PARP11: variants seen among roughly 807,000 people sequenced by gnomAD.
The protein encoded by PARP11 is poly(ADP-ribose) polymerase family member 11.
Under a neutral mutation model 42.9 loss-of-function variants are expected in PARP11, and 31 were observed. The observed-to-expected ratio is 0.72, with a 90% CI of 0.54 to 0.98. PARP11 has a LOEUF of 0.98. Ranked by LOEUF, PARP11 falls within the 50% of genes least tolerant of loss-of-function variation. The probability of loss-of-function intolerance (pLI) is 0.00; values close to 1 mark genes in which losing one functional copy is unlikely to be tolerated. For missense variants in PARP11, 365 were observed against 413.1 expected, an observed-to-expected ratio of 0.88 and a Z score of 1.01; for synonymous variants, 137 against 127.3, an observed-to-expected ratio of 1.08 and a Z score of -0.51.
intron 1 of PARP11, among the ~76,000 whole-genome samples, chr12:3,866,729 G>A (rs1948398859): frequency 6.6e-6 from 1 of 152,108 alleles, no homozygotes; most frequent in Admixed American, 6.5e-5. Flanking sequence ...GAGAAAAGAC[G>A]CATTCCTCAG....
At chr12:3,862,140 T>C (rs1948303351) in intron 1 of PARP11, among the ~76,000 whole-genome samples, 1 of 151,936 alleles carries the variant, frequency 6.6e-6, no homozygotes. Flanking sequence ...GAAAAAGATT[T>C]TTCTCAGCCA....
At chr12:3,844,369 A>G (rs1365527336) in intron 1 of PARP11, among the ~76,000 whole-genome samples, 3 of 152,360 alleles carry the variant, frequency 2.0e-5, no homozygotes, top group African/African-American at 7.2e-5. Flanking sequence ...TTTCTTTCTT[A>G]ACACTGGTGG....
At chr12:3,813,987 A>G in intron 7 of PARP11, 50 bp downstream of exon 7, 1 of 1,399,868 alleles carries the variant, frequency 7.1e-7, no homozygotes, top group African/African-American at 1.4e-5. Context: ...CTCTAAAAAG[A>G]GGAAACTCTC....
chr12:3,815,011 G>C (rs746688821), intron 6 of PARP11: 2 of 456,318 alleles, frequency 4.4e-6, no homozygotes, highest in Non-Finnish European at 8.8e-6. Flanking sequence ...CAGGAGGAAA[G>C]AAGGAGAGTA....
intron 6 of PARP11, among the ~76,000 whole-genome samples, chr12:3,819,841 G>C (rs1947358725): frequency 6.6e-6 from 1 of 152,162 alleles, no homozygotes; most frequent in African/African-American, 2.4e-5. Context: ...TGCATGCTCT[G>C]CCTCTTGATA....
At chr12:3,836,745 A>G (rs1190610819) in intron 1 of PARP11, among the ~76,000 whole-genome samples, 1 of 152,222 alleles carries the variant, frequency 6.6e-6, no homozygotes, top group South Asian at 2.1e-4. Context: ...GAATGCAAAT[A>G]TTATGTAGGG....
chr12:3,815,567 G>C (rs961300965), intron 6 of PARP11, among the ~76,000 whole-genome samples: 39 of 152,104 alleles, frequency 2.6e-4, no homozygotes, highest in African/African-American at 8.9e-4. Flanking sequence ...AGAATCTGCT[G>C]GATACTTTCT....
At chr12:3,822,196 G>A (rs1947409730) in intron 4 of PARP11, 39 bp from the exon 5 acceptor site, 2 of 1,477,426 alleles carry the variant, frequency 1.4e-6, no homozygotes, top group African/African-American at 1.4e-5. Flanking sequence ...ATCAGAAGCC[G>A]ATTACAATTA....
At chr12:3,819,028 A>C (rs1266281705) in intron 6 of PARP11, among the ~76,000 whole-genome samples, 1 of 152,062 alleles carries the variant, frequency 6.6e-6, no homozygotes, top group Non-Finnish European at 1.5e-5. Flanking sequence ...CTTTGTCTCT[A>C]GTCTACACCA....
At chr12:3,836,785 GAA>G (rs1211197630) in intron 1 of PARP11, among the ~76,000 whole-genome samples, 1 of 152,172 alleles carries the variant, frequency 6.6e-6, no homozygotes, top group African/African-American at 2.4e-5. Flanking sequence ...ACAGAGGAAT[GAA>G]AAAACTCTGA....
intron 1 of PARP11, among the ~76,000 whole-genome samples, chr12:3,855,141 T>C (rs1488807194): frequency 2.0e-5 from 3 of 152,078 alleles, no homozygotes; most frequent in Admixed American, 6.5e-5. Flanking sequence ...CTCAAAATAA[T>C]AAGAGCTATT....
At chr12:3,814,805 T>C (rs1947253224) in intron 6 of PARP11, among the ~76,000 whole-genome samples, 1 of 152,190 alleles carries the variant, frequency 6.6e-6, no homozygotes, top group South Asian at 2.1e-4. Flanking sequence ...TAGTCATGTA[T>C]TTACATATAA....
At chr12:3,870,356 G>A (rs1435723004) in intron 1 of PARP11, among the ~76,000 whole-genome samples, 1 of 152,184 alleles carries the variant, frequency 6.6e-6, no homozygotes, top group Non-Finnish European at 1.5e-5. Flanking sequence ...ATCTGTGGAG[G>A]ATTCCCCACT....
At chr12:3,851,519 T>TC (rs1211096475) in intron 1 of PARP11, among the ~76,000 whole-genome samples, 1 of 152,204 alleles carries the variant, frequency 6.6e-6, no homozygotes, top group African/African-American at 2.4e-5. Context: ...AGCGCAGCAG[T>TC]CCGAGATCAA....
rs747252921 is a variant in PARP11 at position 3,810,057 on chromosome 12, T to G, written c.*2066A>C. 5 of 152,222 alleles carry G rather than the reference T, an allele frequency of 3.3e-5. No homozygotes were observed. Among genetic ancestry groups the G allele is most frequent in the Non-Finnish European group, 7.3e-5 (5 of 68,038 alleles). 9.4% of individuals were successfully genotyped at this position (152,222 alleles called of 1,614,324 possible). ...ATAGATGGCACTTTAAGAATTACTA[T>G]CCCTAATCTGTCTGCACTCTTTGCT... On this transcript the variant is annotated 3_prime_UTR_variant, in exon 8 of 8. Transcript: ENST00000228820.
chr12:3,837,123 T>G (rs971309167), intron 1 of PARP11, among the ~76,000 whole-genome samples: 4 of 152,012 alleles, frequency 2.6e-5, no homozygotes, highest in Non-Finnish European at 5.9e-5. Context: ...CAAATCAGAG[T>G]GGCTATTCAG....
intron 1 of PARP11, among the ~76,000 whole-genome samples, chr12:3,860,738 C>A (rs1324371498): frequency 6.6e-6 from 1 of 152,140 alleles, no homozygotes; most frequent in African/African-American, 2.4e-5. Context: ...AGTGCAGTGA[C>A]ACATCATAGC....
intron 1 of PARP11, among the ~76,000 whole-genome samples, chr12:3,836,920 A>T (rs149385779): frequency 3.7e-4 from 56 of 152,286 alleles, no homozygotes; most frequent in Non-Finnish European, 7.6e-4. Context: ...AGTGAGATTA[A>T]GGTGGCCAAC....
chr12:3,863,644 C>A (rs532448807), intron 1 of PARP11, among the ~76,000 whole-genome samples: 1 of 152,288 alleles, frequency 6.6e-6, no homozygotes, highest in South Asian at 2.1e-4. Flanking sequence ...GGGGTGAAGT[C>A]TAGAAGAAAC....
Sources: gnomAD v4.1 joint callset for allele counts (sites outside exome capture counted in the v4.1 genomes callset) on GRCh38, gnomAD v4.1.1 for gene constraint, MANE v1.5 for transcripts, NCBI Gene and HGNC (gene_info 2026-07-23, HGNC 2026-07-21) for gene names.